KRT39: variants seen among roughly 807,000 people sequenced by gnomAD.
KRT39 encodes keratin 39, also known as keratin, type I cytoskeletal 39.
Under a neutral mutation model 54.8 loss-of-function variants are expected in KRT39, and 47 were observed. The ratio of observed to expected loss-of-function variants is 0.86; its 90% CI spans 0.68 to 1.09. The LOEUF (loss-of-function observed/expected upper bound fraction) is 1.09, where lower values mean the gene tolerates loss of function less well. KRT39 is among the 50% of genes least tolerant of loss of function. The pLI is 0.00. For synonymous variants in KRT39, 207 were observed against 227.9 expected, an observed-to-expected ratio of 0.91 and a Z score of 0.83; for missense variants, 580 against 598.5, an observed-to-expected ratio of 0.97 and a Z score of 0.32.
chr17:40,964,621 G>T, intron 1 of KRT39, 93 bp from the exon 2 acceptor site: 1 of 837,266 alleles, frequency 1.2e-6, no homozygotes, highest in Non-Finnish European at 2.1e-6. Flanking sequence ...AAGTAACAGG[G>T]GAAGGCTAAG....
Position 40,964,537 on chromosome 17 carries a change from AAG to A in KRT39, c.469-11_469-10del. 1.3e-6 allele frequency: 2 copies of A among 1,580,584 alleles called. No individual in the cohort carries two copies. The highest frequency in any genetic ancestry group is 1.7e-6 in the Non-Finnish European group (2 of 1,149,320). On this transcript the variant is annotated splice_polypyrimidine_tract_variant and intron_variant, in intron 1 of 6. Transcript: ENST00000355612. ...GCCTTGGTACACAAGATCTAGAATT[AAG>A]AGATTGTACACACAAATGAAGCAAA...
chr17:40,964,317 C>CTT (rs1163391689), intron 2 of KRT39, 129 bp downstream of exon 2: 1 of 746,004 alleles, frequency 1.3e-6, no homozygotes, highest in East Asian at 2.5e-5. Context: ...ATTTGAAAGT[C>CTT]TTTTCTGGGC....
chr17:40,959,827 G>T (rs1911063329), intron 6 of KRT39, among the ~76,000 whole-genome samples: 1 of 152,164 alleles, frequency 6.6e-6, no homozygotes, highest in African/African-American at 2.4e-5. Flanking sequence ...TGGCCTCAAG[G>T]ACTAGTGGCT....
rs371874219 is a variant in KRT39 at position 40,962,495 on chromosome 17, A to G, written c.777T>C (p.Ala259=). Residue 259 remains alanine (A), a synonymous_variant, in exon 4 of 7, where the codon GCT becomes GCC. Transcript: ENST00000355612. ...TTTCTTGTAGAACCTGGTTTAGGTC[A>G]GCAGAAGGGGCAGCAGTCACTTCAA... ...LDIEVTAAPS[A]DLNQVLQEMR... is the part of the protein sequence containing the mutation. 317 of 1,614,086 alleles carry G rather than the reference A, an allele frequency of 2.0e-4. No homozygotes were observed. The highest frequency in any genetic ancestry group is 2.4e-4 in the Non-Finnish European group (286 of 1,180,034).
In KRT39 at chr17:40,966,576, C is replaced by A; in HGVS notation, c.281G>T (p.Ser94Ile). 1.2e-6 allele frequency: 2 copies of A among 1,614,196 alleles called. No homozygotes were observed. Among genetic ancestry groups the A allele is most frequent in the Non-Finnish European group, 1.7e-6 (2 of 1,180,026 alleles). ...DCSWYGEGIN[S>I]NEKETMQILN... Reference sequence around the variant, plus strand: ...GATTTGCATGGTCTCCTTCTCATTACTGTTGATGCCTTCACCATACCAGCT... The same window carrying A: ...GATTTGCATGGTCTCCTTCTCATTAATGTTGATGCCTTCACCATACCAGCT... The change falls in exon 1 of 7, where the codon AGT (serine) becomes ATT (isoleucine). Residue 94 changes from serine to isoleucine, a missense_variant. Ser to Ile is a moderately radical substitution (Grantham distance 142). Transcript: ENST00000355612.
At chr17:40,962,588 G>A (rs1201992218) in intron 3 of KRT39, 25 bp from the exon 4 acceptor site, 3 of 1,603,358 alleles carry the variant, frequency 1.9e-6, no homozygotes, top group South Asian at 2.2e-5. Context: ...AGACTGTGAA[G>A]TCACTTGGTG....
At position 40,958,813 on chromosome 17, in the gene KRT39, T is replaced by C. The variant is rs1367839042; in HGVS notation, c.1264A>G (p.Thr422Ala). The change falls in exon 7 of 7, where the codon ACA (threonine) becomes GCA (alanine). Residue 422 changes from threonine (T) to alanine (A), a missense_variant. By Grantham distance (58) the Thr-to-Ala change is moderately conservative. Transcript: ENST00000355612. ...RATKCEPSPWTSCKSGAIEST... is the reference protein window; with the variant it reads ...RATKCEPSPWASCKSGAIEST... ...TCTATGGCTCCGGACTTACAAGATG[T>C]CCAAGGGGAAGGCTCACATTTGGTG... is the stretch of plus-strand genomic sequence containing the variant. The C allele has an allele frequency of 6.2e-7, 1 of 1,612,336 alleles. No homozygotes were observed. The highest frequency in any genetic ancestry group is 1.3e-5 in the African/African-American group (1 of 74,762).
At chr17:40,960,137 A>G in intron 6 of KRT39, 144 bp downstream of exon 6, 1 of 671,326 alleles carries the variant, frequency 1.5e-6, no homozygotes, top group East Asian at 2.7e-5. Context: ...ACAGCTTGAG[A>G]GGGTGTGTGG....
intron 3 of KRT39, among the ~76,000 whole-genome samples, chr17:40,962,781 A>G (rs1269224682): frequency 1.3e-5 from 2 of 152,214 alleles, no homozygotes; most frequent in Non-Finnish European, 2.9e-5. Context: ...TTAAAAAAAA[A>G]TGAGTAGCAA....
Position 40,966,501 on chromosome 17 carries a change from C to T in KRT39, c.356G>A (p.Arg119Gln), listed in dbSNP as rs138531398. The T allele has an allele frequency of 8.1e-6, 13 of 1,614,168 alleles. No homozygotes were observed. In the East Asian group the frequency reaches 1.1e-4, roughly 14 times the overall value. ...TTTAGATTCCAGTTCAGCATTCTCT[C>T]GTTCTAGCATTCGCACCTTTTGCAG... is the stretch of plus-strand genomic sequence containing the variant. ...NYLQKVRMLE[R>Q]ENAELESKIQ... The change falls in exon 1 of 7, where the codon CGA becomes CAA. Residue 119 changes from arginine to glutamine, a missense_variant. Physicochemically the swap from Arg to Gln is conservative, Grantham distance 43 (BLOSUM62 1). Transcript: ENST00000355612.
chr17:40,960,130 G>A (rs934334155), intron 6 of KRT39, 151 bp downstream of exon 6: 1 of 665,650 alleles, frequency 1.5e-6, no homozygotes, highest in South Asian at 1.8e-5. Flanking sequence ...TCATGGCACA[G>A]CTTGAGAGGG....
chr17:40,964,516 TGGTACACAAGATCTA>T lies in KRT39; in HGVS notation c.469-3_480del. On this transcript the variant is annotated splice_acceptor_variant and splice_polypyrimidine_tract_variant and coding_sequence_variant and intron_variant, in exon 2 of 7. Coordinates refer to ENST00000355612, the MANE Select transcript of KRT39 (RefSeq NM_213656.4). LOFTEE classifies it high-confidence loss of function. ...GAGACCAGTCTGGAATTCTCGGCCT[TGGTACACAAGATCTA>T]GAATTAAGAGATTGTACACACAAAT... 6.2e-7 allele frequency: 1 copy of T among 1,612,232 alleles called. No individual in the cohort carries two copies. The highest frequency in any genetic ancestry group is 1.1e-5 in the South Asian group (1 of 91,046).
intron 3 of KRT39, 62 bp downstream of exon 3, chr17:40,963,565 A>G (rs921466665): frequency 7.4e-6 from 11 of 1,494,926 alleles, no homozygotes; most frequent in Non-Finnish European, 8.2e-6. Context: ...GGTGCAACTC[A>G]AAGGAACTGA....
intron 5 of KRT39, among the ~76,000 whole-genome samples, chr17:40,961,108 C>A (rs569338906): frequency 6.9e-6 from 1 of 145,714 alleles, no homozygotes; most frequent in Non-Finnish European, 1.5e-5. Context: ...CCAGTCTGGG[C>A]GACAGAGTGA....
rs775073596 is a variant in KRT39 at position 40,964,427 on chromosome 17, C to G, written c.551+19G>C. 10 of 1,609,800 alleles carry G rather than the reference C, an allele frequency of 6.2e-6. No homozygotes were observed. The highest frequency in any genetic ancestry group is 8.5e-6 in the Non-Finnish European group (10 of 1,176,138). On this transcript the variant is annotated intron_variant, in intron 2 of 6. Transcript: ENST00000355612. ...TCAGGGTGAGCTCTGTCATTGATGA[C>G]GGTGTTGGGTGGGCTTACTTGGCTC...
intron 5 of KRT39, 85 bp downstream of exon 5, chr17:40,962,075 GAC>G (rs1911172552): frequency 6.7e-7 from 1 of 1,494,476 alleles, no homozygotes; most frequent in Non-Finnish European, 9.0e-7. Flanking sequence ...TGTTCTGAAA[GAC>G]ACAGTTTGGG....
chr17:40,960,474 C>T lies in KRT39; in HGVS notation c.1024G>A (p.Glu342Lys). The stretch of plus-strand genomic sequence containing the variant: ...AAGGCCGTGTAGCGAGCCTCTGTCT[C>T]CGTTAGGATGCACTCTTGGGAATCT... The part of the protein sequence containing the change: ...MRDSQECILT[E>K]TEARYTALLT... The change falls in exon 6 of 7, where the codon GAG becomes AAG. Residue 342 changes from glutamate (E) to lysine (K), a missense_variant. By Grantham distance (56) the Glu-to-Lys change is moderately conservative (BLOSUM62 1). Transcript: ENST00000355612. 1 of 1,614,028 alleles carries T rather than the reference C, an allele frequency of 6.2e-7. No individual in the cohort carries two copies. Among genetic ancestry groups the T allele is most frequent in the Non-Finnish European group, 8.5e-7 (1 of 1,179,970 alleles).
Position 40,958,660 on chromosome 17 carries a change from C to T in KRT39, c.1417G>A (p.Val473Ile). 2 of 1,613,950 alleles carry T rather than the reference C, an allele frequency of 1.2e-6. No individual in the cohort carries two copies. The highest frequency in any genetic ancestry group is 1.7e-6 in the Non-Finnish European group (2 of 1,179,936). ...TITKEIKDGK[V>I]ISSYEHVQPC... Reference sequence around the variant, plus strand: ...TGCACATGCTCGTAAGAAGAAATGACCTTCCCATCCTTAATCTCCTTGGTG... The same window carrying T: ...TGCACATGCTCGTAAGAAGAAATGATCTTCCCATCCTTAATCTCCTTGGTG... The change falls in exon 7 of 7, where the codon GTC (valine) becomes ATC (isoleucine). Residue 473 changes from valine to isoleucine, a missense_variant. Physicochemically the swap from Val to Ile is conservative, Grantham distance 29. Coordinates refer to ENST00000355612, the MANE Select transcript of KRT39 (RefSeq NM_213656.4).
intron 5 of KRT39, chr17:40,960,846 T>G: frequency 3.2e-6 from 1 of 316,056 alleles, no homozygotes. Flanking sequence ...AAAAATGCAT[T>G]ACTGGCTGGG....
Sources: allele counts gnomAD v4.1 joint callset (sites outside exome capture counted in the v4.1 genomes callset), GRCh38; gene constraint gnomAD v4.1.1; transcripts MANE v1.5; gene names NCBI Gene and HGNC (gene_info 2026-07-23, HGNC 2026-07-21).